Variants in DIP2B observed in about 807,000 individuals in gnomAD.
DIP2B encodes disco-interacting protein 2 homolog B.
A neutral mutation model predicts 198.0 loss-of-function variants in DIP2B; 76 were observed. The observed-to-expected ratio is 0.38, with a 90% confidence interval of 0.32 to 0.46. The LOEUF is 0.46. DIP2B is among the 20% of genes least tolerant of loss of function. The pLI is 0.99. For synonymous variants in DIP2B, 701 were observed against 739.1 expected (o/e 0.95, Z 0.84); for missense variants, 1,559 against 1,978.4 (o/e 0.79, Z 4.02).
intron 1 of DIP2B, among the ~76,000 whole-genome samples, chr12:50,555,758 G>A (rs552401632): frequency 7.9e-5 from 12 of 151,844 alleles, no homozygotes; most frequent in African/African-American, 2.2e-4. Context: ...CTTGTTTGGC[G>A]CCTCATGTCC....
At chr12:50,514,719 T>G (rs556267598) in intron 1 of DIP2B, among the ~76,000 whole-genome samples, 2 of 152,026 alleles carry the variant, frequency 1.3e-5, no homozygotes, top group Non-Finnish European at 2.9e-5. Context: ...GGCTGCAGTG[T>G]AGTGGGGTGC....
At chr12:50,542,276 A>G (rs936423937) in intron 1 of DIP2B, among the ~76,000 whole-genome samples, 3 of 151,840 alleles carry the variant, frequency 2.0e-5, no homozygotes, top group Non-Finnish European at 2.9e-5. Context: ...GAAAAAAAAG[A>G]AAAAAGAAAA....
At chr12:50,702,273 G>A (rs1304416840) in intron 19 of DIP2B, among the ~76,000 whole-genome samples, 1 of 152,134 alleles carries the variant, frequency 6.6e-6, no homozygotes, top group Non-Finnish European at 1.5e-5. Context: ...TTGAACCCGG[G>A]AGGTGAAACT....
chr12:50,514,818 C>T (rs1037515077), intron 1 of DIP2B, among the ~76,000 whole-genome samples: 1 of 152,028 alleles, frequency 6.6e-6, no homozygotes, highest in African/African-American at 2.4e-5. Context: ...CCACCATGCC[C>T]GGCTAATTTT....
intron 1 of DIP2B, 140 bp downstream of exon 1, chr12:50,505,380 C>T (rs1957957970): frequency 3.3e-6 from 2 of 602,622 alleles, no homozygotes; most frequent in African/African-American, 2.0e-5. Context: ...GCTCCACGAC[C>T]GTTTTCCCTC....
intron 1 of DIP2B, among the ~76,000 whole-genome samples, chr12:50,518,448 GATC>G (rs1421803531): frequency 6.6e-6 from 1 of 152,092 alleles, no homozygotes; most frequent in Non-Finnish European, 1.5e-5. Flanking sequence ...GACCTCAAGT[GATC>G]GCCCACCCCG....
chr12:50,522,593 C>T (rs769680087), intron 1 of DIP2B, among the ~76,000 whole-genome samples: 5 of 152,154 alleles, frequency 3.3e-5, no homozygotes, highest in African/African-American at 4.8e-5. Context: ...AACGTGCAAA[C>T]GCCACACAGA....
chr12:50,518,949 G>T (rs572404958), intron 1 of DIP2B, among the ~76,000 whole-genome samples: 4 of 152,040 alleles, frequency 2.6e-5, no homozygotes, highest in Non-Finnish European at 5.9e-5. Flanking sequence ...CTTTGTTGCT[G>T]CCCAGGCTGG....
At chr12:50,566,398 T>C (rs1958563353) in intron 1 of DIP2B, among the ~76,000 whole-genome samples, 1 of 152,222 alleles carries the variant, frequency 6.6e-6, no homozygotes, top group African/African-American at 2.4e-5. Flanking sequence ...TTGGCTTCCG[T>C]GATTTCTGAC....
intron 14 of DIP2B, 113 bp from the exon 15 acceptor site, chr12:50,695,154 T>C: frequency 2.7e-6 from 2 of 741,014 alleles, no homozygotes; most frequent in East Asian, 5.6e-5. Flanking sequence ...TCAAAGAGTG[T>C]GTATTTGAGT....
intron 1 of DIP2B, among the ~76,000 whole-genome samples, chr12:50,549,209 C>A (rs1157486661): frequency 6.6e-6 from 1 of 150,694 alleles, no homozygotes; most frequent in Non-Finnish European, 1.5e-5. Flanking sequence ...TGGCTCATGC[C>A]TGTAATCCCA....
At chr12:50,692,372 C>T (rs1264423343) in intron 13 of DIP2B, among the ~76,000 whole-genome samples, 1 of 151,710 alleles carries the variant, frequency 6.6e-6, no homozygotes, top group Admixed American at 6.6e-5. Context: ...CTAAAATAAG[C>T]ATGTATTCTC....
chr12:50,515,299 A>G (rs1195054892), intron 1 of DIP2B, among the ~76,000 whole-genome samples: 1 of 150,458 alleles, frequency 6.6e-6, no homozygotes, highest in Non-Finnish European at 1.5e-5. Context: ...CAATGGCACA[A>G]TCTCAGCTCA....
At chr12:50,732,278 C>T (rs1940056403) in intron 31 of DIP2B, 88 bp from the exon 32 acceptor site, 2 of 1,468,204 alleles carry the variant, frequency 1.4e-6, no homozygotes, top group East Asian at 2.3e-5. Context: ...CTTGGCTTTT[C>T]CTGACCAAGG....
intron 1 of DIP2B, among the ~76,000 whole-genome samples, chr12:50,591,307 A>G (rs537678145): frequency 6.6e-6 from 1 of 152,242 alleles, no homozygotes; most frequent in East Asian, 1.9e-4. Flanking sequence ...TTGAACCTGA[A>G]GTTATTCTAG....
intron 12 of DIP2B, among the ~76,000 whole-genome samples, chr12:50,687,614 C>T (rs1268133324): frequency 6.6e-6 from 1 of 151,928 alleles, no homozygotes; most frequent in Non-Finnish European, 1.5e-5. Context: ...AGCCATCATT[C>T]TCAGCAAACT....
intron 1 of DIP2B, among the ~76,000 whole-genome samples, chr12:50,575,719 A>G (rs960114974): frequency 1.3e-5 from 2 of 151,920 alleles, no homozygotes; most frequent in East Asian, 3.9e-4. Flanking sequence ...AGGGGTCAGC[A>G]AACTGTGTCT....
intron 1 of DIP2B, among the ~76,000 whole-genome samples, chr12:50,586,877 A>T (rs1301547424): frequency 2.6e-5 from 4 of 152,270 alleles, no homozygotes; most frequent in Admixed American, 2.0e-4. Flanking sequence ...CCGGCAAAAA[A>T]TTTTTTTAAA....
intron 4 of DIP2B, among the ~76,000 whole-genome samples, chr12:50,670,733 A>C (rs554690500): frequency 1.3e-5 from 2 of 152,276 alleles, no homozygotes; most frequent in East Asian, 3.9e-4. Flanking sequence ...ATACGTTTTT[A>C]GCAAGAATTA....
Sources: gnomAD v4.1 joint callset for allele counts (sites outside exome capture counted in the v4.1 genomes callset) on GRCh38, gnomAD v4.1.1 for gene constraint, MANE v1.5 for transcripts, NCBI Gene and HGNC (gene_info 2026-07-23, HGNC 2026-07-21) for gene names.